FOXN4: variants seen among roughly 807,000 people sequenced by gnomAD.
The protein encoded by FOXN4 is forkhead box protein N4.
In FOXN4, 12 loss-of-function variants were observed where a neutral mutation model predicts 45.0. The observed-to-expected ratio is 0.27, with a 90% CI of 0.17 to 0.43. FOXN4 has a LOEUF of 0.43. FOXN4 is among the 20% of genes least tolerant of loss of function. The probability of loss-of-function intolerance (pLI) is 1.00; values close to 1 mark genes in which losing one functional copy is unlikely to be tolerated. For missense variants in FOXN4, 560 were observed against 694.9 expected (o/e 0.81, Z 2.18); for synonymous variants, 297 against 295.0 (o/e 1.01, Z -0.07).
intron 7 of FOXN4, among the ~76,000 whole-genome samples, chr12:109,285,733 G>A (rs1325993944): frequency 6.6e-6 from 1 of 152,180 alleles, no homozygotes; most frequent in Non-Finnish European, 1.5e-5. Flanking sequence ...GTTCAGCTCT[G>A]GCCAACTGTT....
chr12:109,290,126 T>C lies in FOXN4; in HGVS notation c.232+15A>G, dbSNP rs189272922. The C allele has an allele frequency of 6.5e-6, 10 of 1,534,578 alleles. No homozygotes were observed. On this transcript the variant is annotated intron_variant, in intron 3 of 9. Coordinates refer to ENST00000299162, the MANE Select transcript of FOXN4 (RefSeq NM_213596.3). This position sits in a 1 kb window ranked among gnomAD's most constrained non-coding sequence, Gnocchi z 5.1. ...ATATCACCCTCCTCCCTGCCTACCT[T>C]GTCCCTGAGCCTACCTGGGTGTGGA...
At chr12:109,307,651 C>T (rs978771942) in intron 2 of FOXN4, among the ~76,000 whole-genome samples, 21 of 152,182 alleles carry the variant, frequency 1.4e-4, no homozygotes, top group African/African-American at 4.3e-4. Flanking sequence ...CTTGCTTCAC[C>T]CTGTTTCAAG....
intron 2 of FOXN4, among the ~76,000 whole-genome samples, chr12:109,299,668 C>T (rs1262754361): frequency 2.6e-5 from 4 of 152,158 alleles, no homozygotes; most frequent in South Asian, 2.1e-4. Flanking sequence ...TTTGAAGGGA[C>T]GGAACACATG....
chr12:109,301,241 C>T (rs922850557), intron 2 of FOXN4, among the ~76,000 whole-genome samples: 3 of 152,182 alleles, frequency 2.0e-5, no homozygotes, highest in Non-Finnish European at 4.4e-5. Context: ...CCAGCATCCT[C>T]GTGTGCCGAA....
chr12:109,284,752 T>C (rs896873689), intron 8 of FOXN4, among the ~76,000 whole-genome samples: 1 of 140,344 alleles, frequency 7.1e-6, no homozygotes, highest in African/African-American at 2.7e-5. Flanking sequence ...CTCTTCTGTG[T>C]GTGTGTGTTT....
At chr12:109,285,261 G>GTA (rs1487162773) in intron 8 of FOXN4, 43 bp downstream of exon 8, 1 of 1,545,704 alleles carries the variant, frequency 6.5e-7, no homozygotes, top group East Asian at 2.4e-5. Flanking sequence ...GTGTGTGTGT[G>GTA]TGTGTGTGTG....
chr12:109,307,677 T>C (rs952027694), intron 2 of FOXN4, among the ~76,000 whole-genome samples: 4 of 152,212 alleles, frequency 2.6e-5, no homozygotes, highest in African/African-American at 9.7e-5. Flanking sequence ...AGTTTCCATC[T>C]AATTTACTCT....
rs1230101760 is a variant in FOXN4, at chr12:109,288,686, A to G, written c.233-506T>C. On this transcript the variant is annotated intron_variant, in intron 3 of 9. Coordinates refer to ENST00000299162, the MANE Select transcript of FOXN4 (RefSeq NM_213596.3). This position sits in a 1 kb window ranked among gnomAD's most constrained non-coding sequence, Gnocchi z 4.3. ...GCCCTGCTGCTCCACACAGGATGAGAATGGCAGACATACTTCCCCCATCTT... is the reference window on the plus strand; with the variant it reads ...GCCCTGCTGCTCCACACAGGATGAGGATGGCAGACATACTTCCCCCATCTT... Among the ~76,000 whole-genome samples the G allele has an allele frequency of 6.6e-6, 1 of 152,168 alleles. No homozygotes were observed. Among genetic ancestry groups the G allele is most frequent in the Non-Finnish European group, 1.5e-5 (1 of 68,020 alleles).
chr12:109,285,266 T>G, intron 8 of FOXN4, 38 bp downstream of exon 8: 1 of 1,553,980 alleles, frequency 6.4e-7, no homozygotes, highest in Non-Finnish European at 8.7e-7. Context: ...TGTGTGTGTG[T>G]GTGTGTGTGC....
rs1360848918 is a variant in FOXN4 at position 109,290,960 on chromosome 12, C to T, written c.87-674G>A. ...ATGTAGGGTGGGCCCATACTCCCCT[C>T]GTACAGATGAGAAAACTGAGGCTTG... On this transcript the variant is annotated intron_variant, in intron 2 of 9. Coordinates refer to ENST00000299162, the MANE Select transcript of FOXN4 (RefSeq NM_213596.3). The surrounding 1 kb of genome is among the most constrained non-coding windows in gnomAD (Gnocchi z 5.1). Among the ~76,000 whole-genome samples the T allele has an allele frequency of 6.6e-6, 1 of 152,262 alleles. No individual in the cohort carries two copies. The highest frequency in any genetic ancestry group is 1.5e-5 in the Non-Finnish European group (1 of 68,020).
Position 109,279,908 on chromosome 12 carries a change from C to T in FOXN4, c.1317G>A (p.Lys439=). 7.4e-6 allele frequency: 12 copies of T among 1,613,954 alleles called. No individual in the cohort carries two copies. Among genetic ancestry groups the T allele is most frequent in the Non-Finnish European group, 1.0e-5 (12 of 1,179,864 alleles). ...ALQGNLWEEM[K]DEGFSLDTLG... ...GTGTGTCCAAGCTGAATCCCTCATC[C>T]TTCATCTCCTCCCACAGGTTCCCTT... The change falls in exon 10 of 10, where the codon AAG becomes AAA. Residue 439 remains lysine (K), a synonymous_variant. Coordinates refer to ENST00000299162, the MANE Select transcript of FOXN4 (RefSeq NM_213596.3).
chr12:109,306,023 A>G (rs932330641), intron 2 of FOXN4, among the ~76,000 whole-genome samples: 1 of 152,166 alleles, frequency 6.6e-6, no homozygotes, highest in Non-Finnish European at 1.5e-5. Flanking sequence ...TGGGTGGCCC[A>G]GATGAACAAG....
chr12:109,292,685 G>GA (rs2047780431), intron 2 of FOXN4, among the ~76,000 whole-genome samples: 1 of 152,150 alleles, frequency 6.6e-6, no homozygotes, highest in Non-Finnish European at 1.5e-5. Flanking sequence ...CAGGGGGCTG[G>GA]AAGTACACTG....
At chr12:109,284,572 CGT>C (rs1220532223) in intron 8 of FOXN4, among the ~76,000 whole-genome samples, 12 of 144,494 alleles carry the variant, frequency 8.3e-5, no homozygotes, top group Non-Finnish European at 1.1e-4. Flanking sequence ...TGTGTGCGTG[CGT>C]GTGTGTGTGC....
intron 8 of FOXN4, among the ~76,000 whole-genome samples, chr12:109,282,178 G>A (rs143928180): frequency 6.6e-6 from 1 of 152,202 alleles, no homozygotes; most frequent in Non-Finnish European, 1.5e-5. Context: ...GACATCAAAG[G>A]CTGGGCTCAT....
At chr12:109,296,782 G>A (rs2047821979) in intron 2 of FOXN4, among the ~76,000 whole-genome samples, 1 of 152,156 alleles carries the variant, frequency 6.6e-6, no homozygotes. Flanking sequence ...GAACACAGAT[G>A]AGCAAACAGA....
Position 109,287,722 on chromosome 12 carries a change from G to T in FOXN4, c.468+122C>A. 8.9e-7 allele frequency: 1 copy of T among 1,119,424 alleles called. No homozygotes were observed. Among genetic ancestry groups the T allele is most frequent in the Non-Finnish European group, 1.2e-6 (1 of 805,798 alleles). The allele number at this position is 1,119,424 out of a possible 1,614,324, so 69.3% of individuals were successfully genotyped here. A position where few individuals can be genotyped will look rare whatever the true frequency, so the allele number is the denominator to read the frequency against. ...AACGGAATGAATGACCCCATGACATGAGCATGGAGGGAATGTTATCCCCAT... is the reference window on the plus strand; with the variant it reads ...AACGGAATGAATGACCCCATGACATTAGCATGGAGGGAATGTTATCCCCAT... On this transcript the variant is annotated intron_variant, in intron 5 of 9. Transcript: ENST00000299162. This position sits in a 1 kb window ranked among gnomAD's most constrained non-coding sequence, Gnocchi z 4.1.
intron 7 of FOXN4, 111 bp downstream of exon 7, chr12:109,286,537 C>A: frequency 9.9e-7 from 1 of 1,007,994 alleles, no homozygotes; most frequent in Non-Finnish European, 1.5e-6. Flanking sequence ...ACCAGATGTA[C>A]AGACATAACT....
At chr12:109,300,213 T>C (rs984218278) in intron 2 of FOXN4, among the ~76,000 whole-genome samples, 1 of 152,168 alleles carries the variant, frequency 6.6e-6, no homozygotes, top group Non-Finnish European at 1.5e-5. Flanking sequence ...TCGGGAAGTG[T>C]CTGCTTTATT....
Sources: allele counts gnomAD v4.1 joint callset (sites outside exome capture counted in the v4.1 genomes callset), GRCh38; gene constraint gnomAD v4.1.1; non-coding constraint Gnocchi (gnomAD v3.1); transcripts MANE v1.5; gene names NCBI Gene and HGNC (gene_info 2026-07-23, HGNC 2026-07-21).